Variants in HIVEP2 observed in about 807,000 individuals in gnomAD.
HIVEP2 encodes the protein transcription factor HIVEP2.
A neutral mutation model predicts 180.7 loss-of-function variants in HIVEP2; 14 were observed. The ratio of observed to expected loss-of-function variants is 0.08; its 90% confidence interval spans 0.05 to 0.12. The LOEUF (loss-of-function observed/expected upper bound fraction) is 0.12. HIVEP2 is among the 10% of genes least tolerant of loss of function. HIVEP2 has a pLI of 1.00. For missense variants in HIVEP2, 2,579 were observed against 3,008.5 expected (o/e 0.86, Z 3.34); for synonymous variants, 1,184 against 1,136.4 (o/e 1.04, Z -0.84).
Position 142,771,128 on chromosome 6 carries a change from G to A in HIVEP2, c.3611C>T (p.Ala1204Val). The change falls in exon 5 of 10, where the codon GCC (alanine) becomes GTC (valine). Residue 1204 changes from alanine (A) to valine (V), a missense_variant. Physicochemically the swap from Ala to Val is moderately conservative, Grantham distance 64. Coordinates refer to ENST00000367603, the MANE Select transcript of HIVEP2 (RefSeq NM_006734.4). The surrounding 1 kb of genome is among the most constrained non-coding windows in gnomAD (Gnocchi z 5.4). ...TGTAGGATACTGAAACTGAAACAAG[G>A]CATTCTGGATTGGAGAAAATGGAAT... The part of the protein sequence containing the change: ...ETIPFSPIQN[A>V]LFQFQYPTVC... 6.2e-7 allele frequency: 1 copy of A among 1,614,222 alleles called. No individual in the cohort carries two copies. Among genetic ancestry groups the A allele is most frequent in the Non-Finnish European group, 8.5e-7 (1 of 1,180,046 alleles).
intron 6 of HIVEP2, among the ~76,000 whole-genome samples, chr6:142,768,080 A>G (rs1775419168): frequency 6.6e-6 from 1 of 152,382 alleles, no homozygotes; most frequent in Non-Finnish European, 1.5e-5. Context: ...CAAAGAATGA[A>G]CAAACTTAGA....
intron 1 of HIVEP2, among the ~76,000 whole-genome samples, chr6:142,931,645 A>T (rs1215496869): frequency 6.6e-6 from 1 of 152,208 alleles, no homozygotes; most frequent in African/African-American, 2.4e-5. Flanking sequence ...TTCAAAGCAA[A>T]CATGTCTTCT....
chr6:142,783,738 T>G (rs1775915013), intron 2 of HIVEP2, 123 bp from the exon 3 acceptor site: 1 of 151,954 alleles, frequency 6.6e-6, no homozygotes, highest in Admixed American at 6.6e-5. Flanking sequence ...GAACTGGATC[T>G]CTCAAGAAGC....
Position 142,875,838 on chromosome 6 carries a change from C to T in HIVEP2, c.-640-38791G>A, listed in dbSNP as rs953018301. Among the ~76,000 whole-genome samples the T allele has an allele frequency of 2.0e-5, 3 of 152,288 alleles. 1 individual carries two copies. The South Asian group carries it at 6.2e-4, about 32-fold the overall frequency. ...TTTCAACTTTGATATGTCCATTGGA[C>T]AGCCAAGTGCATGGATTTAGGAGGA... is the stretch of plus-strand genomic sequence containing the variant. On this transcript the variant is annotated intron_variant, in intron 1 of 9. Transcript: ENST00000367603.
chr6:142,765,252 G>A (rs1488122997), intron 6 of HIVEP2, among the ~76,000 whole-genome samples: 3 of 152,182 alleles, frequency 2.0e-5, no homozygotes, highest in African/African-American at 7.2e-5. Flanking sequence ...GGAAGTAGAT[G>A]TTCAAAATGA....
intron 2 of HIVEP2, among the ~76,000 whole-genome samples, chr6:142,810,761 C>CAAAAAAAAAAAAAAAAAACA (rs1776675030): frequency 9.9e-6 from 1 of 100,752 alleles, no homozygotes; most frequent in Non-Finnish European, 1.9e-5. Context: ...GACTCTGTCT[C>CAAAAAAAAAAAAAAAAAACA]AAAAAAAAAA....
intron 1 of HIVEP2, among the ~76,000 whole-genome samples, chr6:142,861,911 T>C (rs760106988): frequency 1.3e-5 from 2 of 152,172 alleles, no homozygotes; most frequent in Non-Finnish European, 2.9e-5. Context: ...ATGGCTATTC[T>C]GGACAGCTGC....
chr6:142,766,553 A>G lies in HIVEP2; in HGVS notation c.5343-1579T>C, dbSNP rs536385605. 5.9e-5 allele frequency among the ~76,000 whole-genome samples: 9 copies of G among 152,332 alleles called. 1 individual carries two copies. In the South Asian group the frequency reaches 1.7e-3, roughly 28 times the overall value. Reference sequence around the variant, plus strand: ...ATTTTCTTCAAGGAAGGATACTTCAAGCTTACTATAGCCTGCCATCATAGT... The same window carrying G: ...ATTTTCTTCAAGGAAGGATACTTCAGGCTTACTATAGCCTGCCATCATAGT... On this transcript the variant is annotated intron_variant, in intron 6 of 9. Coordinates refer to ENST00000367603, the MANE Select transcript of HIVEP2 (RefSeq NM_006734.4).
chr6:142,896,274 A>T (rs775401420), intron 1 of HIVEP2, among the ~76,000 whole-genome samples: 1 of 152,112 alleles, frequency 6.6e-6, no homozygotes, highest in Non-Finnish European at 1.5e-5. Context: ...CCAGCAGTTC[A>T]CCATCTTCCT....
intron 1 of HIVEP2, among the ~76,000 whole-genome samples, chr6:142,846,171 T>C (rs552836309): frequency 1.3e-5 from 2 of 151,770 alleles, no homozygotes; most frequent in East Asian, 3.9e-4. Context: ...CTTAGGACAA[T>C]AGCAAACTGG....
chr6:142,855,876 T>C (rs1343083070), intron 1 of HIVEP2, among the ~76,000 whole-genome samples: 1 of 149,546 alleles, frequency 6.7e-6, no homozygotes, highest in Non-Finnish European at 1.5e-5. Flanking sequence ...GAGGCATATA[T>C]AAGAAGTGAA....
At chr6:142,863,916 C>A (rs967423114) in intron 1 of HIVEP2, among the ~76,000 whole-genome samples, 2 of 152,150 alleles carry the variant, frequency 1.3e-5, no homozygotes, top group African/African-American at 4.8e-5. Context: ...TTATTTAAAT[C>A]TCATGCTTAT....
chr6:142,806,059 TA>T (rs1418823782), intron 2 of HIVEP2, among the ~76,000 whole-genome samples: 3 of 152,142 alleles, frequency 2.0e-5, no homozygotes, highest in Admixed American at 2.0e-4. Flanking sequence ...AGCAGTATTT[TA>T]AAAAATTTCA....
At chr6:142,843,102 A>G (rs1182890438) in intron 1 of HIVEP2, among the ~76,000 whole-genome samples, 1 of 152,152 alleles carries the variant, frequency 6.6e-6, no homozygotes, top group East Asian at 1.9e-4. Context: ...GCTTTATAAT[A>G]TTTTCACATG....
chr6:142,945,363 C>A (rs537505442), upstream of HIVEP2, among the ~76,000 whole-genome samples: 1 of 152,142 alleles, frequency 6.6e-6, no homozygotes, highest in Admixed American at 6.5e-5. This position sits in a 1 kb window ranked among gnomAD's most constrained non-coding sequence, Gnocchi z 5.5. Flanking sequence ...CTCGGGCCAC[C>A]GGGAAGGGGC....
intron 2 of HIVEP2, among the ~76,000 whole-genome samples, chr6:142,821,280 A>C (rs986542725): frequency 6.6e-6 from 1 of 152,182 alleles, no homozygotes; most frequent in African/African-American, 2.4e-5. Context: ...TTAAAAAAAA[A>C]AAAAATCCAA....
chr6:142,784,983 G>T (rs780594378), intron 2 of HIVEP2, among the ~76,000 whole-genome samples: 107 of 152,094 alleles, frequency 7.0e-4, no homozygotes, highest in Non-Finnish European at 1.3e-3. Flanking sequence ...TGCCTCCCGG[G>T]TTCACGCCAT....
chr6:142,922,743 C>T (rs1232130015), intron 1 of HIVEP2, among the ~76,000 whole-genome samples: 5 of 152,124 alleles, frequency 3.3e-5, no homozygotes, highest in African/African-American at 4.8e-5. Context: ...CTTTTCCAGT[C>T]GTAAGTCTGA....
chr6:142,922,411 C>G (rs757445838), intron 1 of HIVEP2, among the ~76,000 whole-genome samples: 1 of 152,210 alleles, frequency 6.6e-6, no homozygotes, highest in Non-Finnish European at 1.5e-5. Context: ...GCAACACAAG[C>G]TCTCAATTCG....
Sources: gnomAD v4.1 joint callset for allele counts (sites outside exome capture counted in the v4.1 genomes callset) on GRCh38, gnomAD v4.1.1 for gene constraint, Gnocchi (gnomAD v3.1) non-coding constraint, MANE v1.5 for transcripts, NCBI Gene and HGNC (gene_info 2026-07-23, HGNC 2026-07-21) for gene names.